MBD5: variants seen among roughly 807,000 people sequenced by gnomAD.
MBD5 encodes methyl-CpG-binding domain protein 5.
A neutral mutation model predicts 117.3 loss-of-function variants in MBD5; 13 were observed. The observed-to-expected ratio is 0.11, with a 90% confidence interval of 0.07 to 0.18. The LOEUF (loss-of-function observed/expected upper bound fraction) is 0.18, where lower values mean the gene tolerates loss of function less well. Among genes scored for constraint, MBD5 ranks in the 10% least tolerant of loss-of-function variants. The pLI, the probability that MBD5 is intolerant of heterozygous loss-of-function variation, is 1.00. For missense variants in MBD5, 1,879 were observed against 2,093.8 expected, an observed-to-expected ratio of 0.90 and a Z score of 2.00; for synonymous variants, 727 against 766.4, an observed-to-expected ratio of 0.95 and a Z score of 0.85.
intron 11 of MBD5, among the ~76,000 whole-genome samples, chr2:148,501,468 C>CCTGAG (rs1681869949): frequency 6.6e-6 from 1 of 152,160 alleles, no homozygotes; most frequent in East Asian, 1.9e-4. Context: ...TGAAACTATG[C>CCTGAG]TTACATACCA....
rs762145669 is a variant in MBD5, at chr2:148,102,723, CACACACAGAGAG to C, written c.-924-75975_-924-75964del. On this transcript the variant is annotated intron_variant, in intron 1 of 13. Transcript: ENST00000642680. ...GATCACACACACACACACACACACA[CACACACAGAGAG>C]AGAGAGAGAGAGAGAGAGAGAGAGA... Among the ~76,000 whole-genome samples the C allele has an allele frequency of 1.1e-4, 8 of 69,980 alleles. 1 individual carries two copies. The highest frequency in any genetic ancestry group is 2.1e-4 in the Non-Finnish European group (7 of 32,896). 45.9% of individuals were successfully genotyped at this position (69,980 alleles called of 152,430 possible).
intron 1 of MBD5, among the ~76,000 whole-genome samples, chr2:148,132,543 A>AAGG (rs1361405792): frequency 2.6e-5 from 4 of 152,084 alleles, no homozygotes; most frequent in Non-Finnish European, 5.9e-5. Context: ...GTTGCTTAAA[A>AAGG]AGGAATCCTC....
At chr2:148,381,772 C>G (rs1574358223) in intron 4 of MBD5, among the ~76,000 whole-genome samples, 3 of 152,192 alleles carry the variant, frequency 2.0e-5, no homozygotes, top group African/African-American at 7.2e-5. Context: ...AGCAGAAACT[C>G]TACAAGCCAG....
At chr2:148,356,204 C>T (rs964103983) in intron 4 of MBD5, among the ~76,000 whole-genome samples, 5 of 152,042 alleles carry the variant, frequency 3.3e-5, no homozygotes, top group African/African-American at 1.2e-4. Context: ...GTTCCCTCTA[C>T]CTGCAACATA....
chr2:148,189,414 C>T (rs1172515983), intron 2 of MBD5, among the ~76,000 whole-genome samples: 54 of 149,940 alleles, frequency 3.6e-4, no homozygotes, highest in East Asian at 2.0e-4. Context: ...GATCTGAGAA[C>T]GGGCAGACTG....
intron 3 of MBD5, among the ~76,000 whole-genome samples, chr2:148,287,446 G>A (rs563614100): frequency 7.9e-5 from 12 of 152,134 alleles, no homozygotes; most frequent in East Asian, 1.9e-4. Context: ...AGTGAGTGAC[G>A]GATGTATCAG....
chr2:148,113,306 G>A (rs1696546313), intron 1 of MBD5, among the ~76,000 whole-genome samples: 1 of 152,022 alleles, frequency 6.6e-6, no homozygotes, highest in East Asian at 1.9e-4. Flanking sequence ...TTAAACTTTT[G>A]TGTAACATTA....
chr2:148,187,723 G>GA (rs543798927), intron 2 of MBD5, among the ~76,000 whole-genome samples: 183 of 148,264 alleles, frequency 1.2e-3, no homozygotes, highest in Admixed American at 2.8e-3. Context: ...GACATTTTCA[G>GA]AAAAAAAAAA....
intron 3 of MBD5, chr2:148,264,557 C>G (rs1251107676): frequency 6.6e-6 from 1 of 152,038 alleles, no homozygotes; most frequent in Non-Finnish European, 1.5e-5. Flanking sequence ...GGCATTGTAC[C>G]AATCAGAATT....
At chr2:148,110,065 A>G (rs1366315699) in intron 1 of MBD5, among the ~76,000 whole-genome samples, 10 of 152,226 alleles carry the variant, frequency 6.6e-5, no homozygotes, top group Non-Finnish European at 1.2e-4. Flanking sequence ...TATGAATAGC[A>G]TATCAATTAA....
intron 2 of MBD5, among the ~76,000 whole-genome samples, chr2:148,182,332 G>A (rs1186423774): frequency 6.6e-6 from 1 of 152,034 alleles, no homozygotes; most frequent in Non-Finnish European, 1.5e-5. Context: ...TGTATTATAT[G>A]TATAGAATTT....
intron 1 of MBD5, among the ~76,000 whole-genome samples, chr2:148,059,604 T>G (rs1365273027): frequency 6.6e-6 from 1 of 152,012 alleles, no homozygotes; most frequent in Non-Finnish European, 1.5e-5. Flanking sequence ...TCCCAGCACT[T>G]TGGGAGGCCG....
chr2:148,078,140 T>G (rs1412537070), intron 1 of MBD5, among the ~76,000 whole-genome samples: 1 of 152,178 alleles, frequency 6.6e-6, no homozygotes, highest in African/African-American at 2.4e-5. Flanking sequence ...GATCTGTTGC[T>G]TCAGAGCTTG....
intron 3 of MBD5, among the ~76,000 whole-genome samples, chr2:148,322,068 A>G (rs1559021650): frequency 6.6e-6 from 1 of 152,218 alleles, no homozygotes; most frequent in Admixed American, 6.5e-5. Context: ...GCTAGACTCC[A>G]TAATATGACC....
intron 3 of MBD5, among the ~76,000 whole-genome samples, chr2:148,341,128 TCTC>T (rs1021618313): frequency 2.0e-5 from 3 of 151,972 alleles, no homozygotes; most frequent in African/African-American, 7.2e-5. Flanking sequence ...TCATTCAGCT[TCTC>T]CTCCTAGATA....
chr2:148,391,237 TA>T (rs1434947926), intron 4 of MBD5, among the ~76,000 whole-genome samples: 4 of 151,796 alleles, frequency 2.6e-5, no homozygotes, highest in Non-Finnish European at 4.4e-5. Context: ...AAATGCTGAT[TA>T]TTTTTAGATG....
At chr2:148,188,995 C>T (rs770350696) in intron 2 of MBD5, among the ~76,000 whole-genome samples, 15 of 149,810 alleles carry the variant, frequency 1.0e-4, no homozygotes, top group African/African-American at 2.7e-4. Context: ...AAAGGGGTGA[C>T]GGACGCACCT....
intron 1 of MBD5, among the ~76,000 whole-genome samples, chr2:148,165,289 A>G (rs965478821): frequency 1.5e-4 from 23 of 152,220 alleles, no homozygotes; most frequent in East Asian, 3.9e-4. Flanking sequence ...AGATTGTAAT[A>G]TTACATAGAA....
intron 1 of MBD5, among the ~76,000 whole-genome samples, chr2:148,038,779 AT>A (rs1694272102): frequency 6.6e-6 from 1 of 151,952 alleles, no homozygotes; most frequent in East Asian, 1.9e-4. Flanking sequence ...TGTCCATTGT[AT>A]TTTTTTAATT....
Sources: allele counts gnomAD v4.1 joint callset (sites outside exome capture counted in the v4.1 genomes callset), GRCh38; gene constraint gnomAD v4.1.1; transcripts MANE v1.5; gene names NCBI Gene and HGNC (gene_info 2026-07-23, HGNC 2026-07-21).